EFHC2: variants seen among roughly 807,000 people sequenced by gnomAD.
EFHC2 encodes the protein EF-hand domain containing 2, also known as EF-hand domain-containing family member C2.
A neutral mutation model predicts 52.7 loss-of-function variants in EFHC2; 18 were observed. The ratio of observed to expected loss-of-function variants is 0.34; its 90% CI spans 0.24 to 0.51. EFHC2 has a LOEUF of 0.51. Ranked by LOEUF, EFHC2 falls within the 20% of genes least tolerant of loss-of-function variation. EFHC2 has a pLI of 0.97. For synonymous variants in EFHC2, 203 were observed against 204.1 expected (o/e 0.99, Z 0.04); for missense variants, 513 against 562.5 (o/e 0.91, Z 0.89).
intron 4 of EFHC2, among the ~76,000 whole-genome samples, chrX:44,254,237 G>A (rs1018968905): frequency 1.3e-4 from 14 of 111,865 alleles, no homozygotes; most frequent in African/African-American, 3.9e-4. Context: ...ACAACTCCTC[G>A]CCAGCAAGAG....
At chrX:44,168,527 G>A (rs1189625357) in intron 13 of EFHC2, among the ~76,000 whole-genome samples, 4 of 102,051 alleles carry the variant, frequency 3.9e-5, no homozygotes, top group Non-Finnish European at 7.9e-5. Flanking sequence ...GCGAGACTCC[G>A]TCTCAAAAGA....
intron 5 of EFHC2, 46 bp downstream of exon 5, chrX:44,250,148 C>T (rs1261021853): frequency 2.5e-6 from 3 of 1,182,997 alleles, no homozygotes; most frequent in Non-Finnish European, 3.4e-6. Flanking sequence ...AGTGACTAGT[C>T]TCTTGACCCA....
chrX:44,200,006 T>C (rs1157187529), intron 11 of EFHC2, among the ~76,000 whole-genome samples: 1 of 112,020 alleles, frequency 8.9e-6, no homozygotes, highest in Non-Finnish European at 1.9e-5. Context: ...GATAGGATCC[T>C]GGGACAGAAA....
intron 14 of EFHC2, among the ~76,000 whole-genome samples, chrX:44,156,833 A>T (rs1395270777): frequency 8.9e-6 from 1 of 112,584 alleles, no homozygotes; most frequent in African/African-American, 3.2e-5. Context: ...CCAGTTTTAC[A>T]GCTACCATCT....
At chrX:44,233,370 TG>T (rs1351585484) in intron 9 of EFHC2, among the ~76,000 whole-genome samples, 1 of 112,361 alleles carries the variant, frequency 8.9e-6, no homozygotes, top group Non-Finnish European at 1.9e-5. Context: ...AAAATTCCTT[TG>T]CTTCTTTTAG....
intron 10 of EFHC2, among the ~76,000 whole-genome samples, chrX:44,230,858 T>G (rs753607227): frequency 5.4e-5 from 6 of 111,758 alleles, no homozygotes; most frequent in Non-Finnish European, 1.1e-4. Flanking sequence ...AGCTCAGCGC[T>G]TCATACACAT....
intron 2 of EFHC2, among the ~76,000 whole-genome samples, chrX:44,281,140 A>C (rs759835600): frequency 4.5e-5 from 5 of 111,396 alleles, no homozygotes; most frequent in African/African-American, 6.5e-5. Context: ...GGCTGGTCTC[A>C]AACTCCTGAC....
At position 44,319,486 on chromosome X, in the gene EFHC2, C is replaced by T. The variant is rs750904706; in HGVS notation, c.43-6730G>A. Among the ~76,000 whole-genome samples the T allele has an allele frequency of 9.0e-5, 10 of 111,431 alleles. No homozygotes were observed. In the Admixed American group the frequency reaches 9.6e-4, roughly 11 times the overall value. ...TGGTAATGGAGACGATTTCAGAGGGCGCGCAAGAATGTTCATCTTCCTCTA... is the reference window on the plus strand; with the variant it reads ...TGGTAATGGAGACGATTTCAGAGGGTGCGCAAGAATGTTCATCTTCCTCTA... On this transcript the variant is annotated intron_variant, in intron 1 of 14. Coordinates refer to ENST00000420999, the MANE Select transcript of EFHC2 (RefSeq NM_025184.4).
intron 11 of EFHC2, among the ~76,000 whole-genome samples, chrX:44,211,866 CA>C (rs1164155147): frequency 4.5e-3 from 227 of 50,439 alleles, no homozygotes; most frequent in African/African-American, 0.012. Context: ...GACTCCCTCT[CA>C]AAAAAAAAAA....
At chrX:44,301,171 T>A (rs2037866247) in intron 2 of EFHC2, among the ~76,000 whole-genome samples, 1 of 107,426 alleles carries the variant, frequency 9.3e-6, no homozygotes, top group African/African-American at 3.4e-5. Context: ...GCAGACCCTG[T>A]ACTCAATGGA....
intron 2 of EFHC2, 29 bp from the exon 3 acceptor site, chrX:44,272,865 A>C (rs2037627241): frequency 1.8e-6 from 2 of 1,100,116 alleles, no homozygotes; most frequent in African/African-American, 1.9e-5. Flanking sequence ...GAAACTAAGA[A>C]ATGAAAAGAA....
intron 1 of EFHC2, among the ~76,000 whole-genome samples, chrX:44,333,306 G>A (rs994018988): frequency 9.0e-6 from 1 of 111,246 alleles, no homozygotes; most frequent in Non-Finnish European, 1.9e-5. Flanking sequence ...TGAGGAGGGG[G>A]GATTAAAGCC....
intron 11 of EFHC2, among the ~76,000 whole-genome samples, chrX:44,205,999 A>T (rs1335620995): frequency 8.9e-6 from 1 of 111,932 alleles, no homozygotes; most frequent in Non-Finnish European, 1.9e-5. Context: ...AATAAATTCA[A>T]AAATATCAAA....
At chrX:44,302,229 A>G (rs962781304) in intron 2 of EFHC2, among the ~76,000 whole-genome samples, 2 of 111,754 alleles carry the variant, frequency 1.8e-5, no homozygotes, top group African/African-American at 6.5e-5. Context: ...AGTGGTACCT[A>G]CAAAAGTTAA....
chrX:44,153,141 T>TACAGAGAAAATA (rs1165215111), intron 14 of EFHC2, among the ~76,000 whole-genome samples: 1 of 111,902 alleles, frequency 8.9e-6, no homozygotes, highest in Non-Finnish European at 1.9e-5. Context: ...ATGCTGACAA[T>TACAGAGAAAATA]ACAGAGAAAA....
At chrX:44,267,204 C>A (rs1476704312) in intron 3 of EFHC2, among the ~76,000 whole-genome samples, 4 of 112,238 alleles carry the variant, frequency 3.6e-5, no homozygotes. Context: ...GGTAAAACTA[C>A]TGGATTAACC....
chrX:44,246,858 T>C (rs953640695), intron 7 of EFHC2, among the ~76,000 whole-genome samples: 1 of 112,405 alleles, frequency 8.9e-6, no homozygotes, highest in Non-Finnish European at 1.9e-5. Flanking sequence ...ATCCTTTATA[T>C]TAAGGTAATC....
At chrX:44,302,135 T>C (rs2037873194) in intron 2 of EFHC2, among the ~76,000 whole-genome samples, 1 of 111,890 alleles carries the variant, frequency 8.9e-6, no homozygotes, top group African/African-American at 3.2e-5. Context: ...CTACCAGGAA[T>C]GTATGAAGGT....
chrX:44,253,231 G>A (rs1325289249), intron 4 of EFHC2, among the ~76,000 whole-genome samples: 2 of 105,506 alleles, frequency 1.9e-5, no homozygotes, highest in Non-Finnish European at 3.9e-5. Flanking sequence ...CAAGCTAGCT[G>A]CAGTTTTTTT....
Sources: allele counts gnomAD v4.1 joint callset (sites outside exome capture counted in the v4.1 genomes callset), GRCh38; gene constraint gnomAD v4.1.1; transcripts MANE v1.5; gene names NCBI Gene and HGNC (gene_info 2026-07-23, HGNC 2026-07-21).